Variants in SLC14A2 observed in about 807,000 individuals in gnomAD.
SLC14A2 encodes the protein solute carrier family 14 member 2.
Under a neutral mutation model 104.6 loss-of-function variants are expected in SLC14A2, and 91 were observed. That is an observed-to-expected ratio of 0.87 (90% CI 0.73 to 1.04). The LOEUF (loss-of-function observed/expected upper bound fraction) is 1.04. Ranked by LOEUF, SLC14A2 falls within the 50% of genes least tolerant of loss-of-function variation. The probability of loss-of-function intolerance (pLI) is 0.00; values close to 1 mark genes in which losing one functional copy is unlikely to be tolerated. For synonymous variants in SLC14A2, 476 were observed against 466.4 expected (o/e 1.02, Z -0.27); for missense variants, 1,189 against 1,156.0 (o/e 1.03, Z -0.41).
At chr18:45,193,048 A>G in the SLC14A2 span, among the ~76,000 whole-genome samples, 1 of 152,184 alleles carries the variant, frequency 6.6e-6, no homozygotes, top group African/African-American at 2.4e-5. Flanking sequence ...CTTCTTTGGT[A>G]AAATGTCTGT....
intron 4 of SLC14A2, among the ~76,000 whole-genome samples, chr18:45,627,705 A>G (rs1465949125): frequency 6.6e-6 from 1 of 152,166 alleles, no homozygotes; most frequent in Non-Finnish European, 1.5e-5. Flanking sequence ...TGGCTGGTGC[A>G]AAGTCAAGTA....
chr18:45,438,641 T>C (rs1336893850), intron 1 of SLC14A2, among the ~76,000 whole-genome samples: 2 of 152,226 alleles, frequency 1.3e-5, no homozygotes, highest in Non-Finnish European at 2.9e-5. Context: ...ATTCCATTTC[T>C]ACTCAAACAA....
intron 2 of SLC14A2, among the ~76,000 whole-genome samples, chr18:45,570,580 AG>A (rs1217784145): frequency 6.6e-6 from 1 of 152,224 alleles, no homozygotes; most frequent in African/African-American, 2.4e-5. Flanking sequence ...CAATTTACAT[AG>A]GATGTTGATC....
At chr18:45,532,550 A>G (rs978776152) in intron 2 of SLC14A2, among the ~76,000 whole-genome samples, 36 of 149,082 alleles carry the variant, frequency 2.4e-4, no homozygotes, top group African/African-American at 4.9e-4. Context: ...TTGATTTTGT[A>G]TCCTGAGACT....
intron 1 of SLC14A2, among the ~76,000 whole-genome samples, chr18:45,391,758 C>CT (rs1357925583): frequency 6.6e-6 from 1 of 152,190 alleles, no homozygotes; most frequent in Non-Finnish European, 1.5e-5. Flanking sequence ...CCTTCGCCCA[C>CT]TTTTTGATGG....
At chr18:45,355,591 A>C (rs886338289) in intron 1 of SLC14A2, among the ~76,000 whole-genome samples, 2 of 151,454 alleles carry the variant, frequency 1.3e-5, no homozygotes, top group South Asian at 2.1e-4. Flanking sequence ...AAAAAAAAAA[A>C]AAAAAAAAAC....
Position 45,682,780 on chromosome 18 carries a change from C to T in SLC14A2, c.*261C>T, listed in dbSNP as rs539184551. 45 of 417,810 alleles carry T rather than the reference C, an allele frequency of 1.1e-4. No individual in the cohort carries two copies. Among genetic ancestry groups the T allele is most frequent in the Middle Eastern group, 7.3e-4 (1 of 1,374 alleles). The allele number at this position is 417,810 out of a possible 1,614,324, so 25.9% of individuals were successfully genotyped here. On this transcript the variant is annotated 3_prime_UTR_variant, in exon 20 of 20. Transcript: ENST00000255226. Reference sequence around the variant, plus strand: ...TTTGTGGGGAACTTGCCCTCTTCTGCGAAATAAGCCTCATCCTTAAAGAGA... The same window carrying T: ...TTTGTGGGGAACTTGCCCTCTTCTGTGAAATAAGCCTCATCCTTAAAGAGA...
intron 1 of SLC14A2, among the ~76,000 whole-genome samples, chr18:45,284,517 G>A (rs1474877343): frequency 1.3e-5 from 2 of 152,090 alleles, no homozygotes; most frequent in East Asian, 3.8e-4. Flanking sequence ...CAGGTAAAGT[G>A]GCTGCTAGAC....
intron 1 of SLC14A2, among the ~76,000 whole-genome samples, chr18:45,244,069 C>A (rs565915417): frequency 6.6e-6 from 1 of 152,296 alleles, no homozygotes; most frequent in Admixed American, 6.5e-5. Flanking sequence ...GTTTCTGAGA[C>A]TGCAAGGCTG....
chr18:45,545,302 G>A (rs1240067698), intron 2 of SLC14A2, among the ~76,000 whole-genome samples: 1 of 152,158 alleles, frequency 6.6e-6, no homozygotes, highest in African/African-American at 2.4e-5. Flanking sequence ...CCACATAGGT[G>A]GAGCTGGATG....
At chr18:45,204,479 C>T in the SLC14A2 span, among the ~76,000 whole-genome samples, 3 of 152,170 alleles carry the variant, frequency 2.0e-5, no homozygotes, top group Non-Finnish European at 4.4e-5. Context: ...CCTCTGAGAA[C>T]ATTGCTTATC....
the SLC14A2 span, among the ~76,000 whole-genome samples, chr18:45,180,253 G>T: frequency 6.6e-6 from 1 of 152,172 alleles, no homozygotes; most frequent in Non-Finnish European, 1.5e-5. Context: ...CATGTGACTG[G>T]AGCAAGTTAT....
chr18:45,431,465 A>AT (rs1247776858), intron 1 of SLC14A2, among the ~76,000 whole-genome samples: 1 of 152,198 alleles, frequency 6.6e-6, no homozygotes, highest in African/African-American at 2.4e-5. Flanking sequence ...AGTAAATATT[A>AT]TTTTTTTAAA....
At chr18:45,196,547 C>T in the SLC14A2 span, among the ~76,000 whole-genome samples, 1 of 152,178 alleles carries the variant, frequency 6.6e-6, no homozygotes. Context: ...GCTTGCCAAC[C>T]TCAAGGTGAT....
chr18:45,641,520 G>C (rs1415301196), intron 8 of SLC14A2, among the ~76,000 whole-genome samples, 177 bp downstream of exon 8: 1 of 152,156 alleles, frequency 6.6e-6, no homozygotes, highest in Non-Finnish European at 1.5e-5. Context: ...TCCCTTTTCT[G>C]TCAAATGGGA....
At chr18:45,556,595 C>A (rs2044136293) in intron 2 of SLC14A2, among the ~76,000 whole-genome samples, 1 of 152,188 alleles carries the variant, frequency 6.6e-6, no homozygotes, top group Non-Finnish European at 1.5e-5. Flanking sequence ...ACTTCCCTTT[C>A]TGTAAAATGA....
At chr18:45,639,430 C>T (rs905595125) in intron 6 of SLC14A2, among the ~76,000 whole-genome samples, 3 of 152,136 alleles carry the variant, frequency 2.0e-5, no homozygotes, top group Non-Finnish European at 4.4e-5. Context: ...CCTGAAACTC[C>T]CAGCGGCATT....
chr18:45,660,998 T>C (rs1031021532), intron 10 of SLC14A2, among the ~76,000 whole-genome samples: 2 of 152,246 alleles, frequency 1.3e-5, no homozygotes, highest in African/African-American at 2.4e-5. Context: ...GGGTGGTCTA[T>C]AGCCCAGCAC....
At chr18:45,229,121 C>T (rs1443443129) in intron 1 of SLC14A2, among the ~76,000 whole-genome samples, 1 of 152,322 alleles carries the variant, frequency 6.6e-6, no homozygotes. Flanking sequence ...TTTTCAAAAG[C>T]AGACAAGCAC....
Sources: gnomAD v4.1 joint callset for allele counts (sites outside exome capture counted in the v4.1 genomes callset) on GRCh38, gnomAD v4.1.1 for gene constraint, MANE v1.5 for transcripts, NCBI Gene and HGNC (gene_info 2026-07-23, HGNC 2026-07-21) for gene names.